The following CLEC16A variants were observed in gnomAD, a reference collection of about 807,000 sequenced individuals.
The protein encoded by CLEC16A is protein CLEC16A.
A neutral mutation model predicts 109.5 loss-of-function variants in CLEC16A; 51 were observed. That is an observed-to-expected ratio of 0.47 (90% CI 0.37 to 0.59). The LOEUF is 0.59. Among genes scored for constraint, CLEC16A ranks in the 20% least tolerant of loss-of-function variants. CLEC16A has a pLI of 0.00. For missense variants in CLEC16A, 1,339 were observed against 1,394.0 expected (o/e 0.96, Z 0.63); for synonymous variants, 673 against 564.2 (o/e 1.19, Z -2.73).
At position 11,031,833 on chromosome 16, in the gene CLEC16A, C is replaced by G. The variant is rs1597127364; in HGVS notation, c.1537+6912C>G. Among the ~76,000 whole-genome samples, 9 of 152,312 alleles carry G rather than the reference C, an allele frequency of 5.9e-5. No individual in the cohort carries two copies. In the South Asian group the frequency reaches 1.9e-3, roughly 32 times the overall value. On this transcript the variant is annotated intron_variant, in intron 13 of 23. Coordinates refer to ENST00000409790, the MANE Select transcript of CLEC16A (RefSeq NM_015226.3). ...AGGGTACTACATCCGCCTGAGCAAT[C>G]AGGAGAGGCCTCTTGGAGGCTTAAG...
At chr16:10,962,674 C>G in intron 3 of CLEC16A, 86 bp downstream of exon 3, 2 of 1,437,692 alleles carry the variant, frequency 1.4e-6, no homozygotes, top group South Asian at 1.2e-5. Context: ...TCTGCGCTTA[C>G]TATTCGTCGG....
chr16:10,996,915 A>C (rs1480403561), intron 10 of CLEC16A, among the ~76,000 whole-genome samples: 1 of 152,168 alleles, frequency 6.6e-6, no homozygotes. Context: ...AGGGCATTAC[A>C]GCAATCCAAC....
intron 22 of CLEC16A, among the ~76,000 whole-genome samples, chr16:11,158,313 A>G (rs964423363): frequency 2.0e-5 from 3 of 152,160 alleles, no homozygotes; most frequent in African/African-American, 7.2e-5. Context: ...CCCACGCCTC[A>G]TGGTCCTCAT....
chr16:11,154,330 A>G (rs988224880), intron 22 of CLEC16A, among the ~76,000 whole-genome samples: 1 of 152,264 alleles, frequency 6.6e-6, no homozygotes, highest in Non-Finnish European at 1.5e-5. Context: ...TCAACTCTCT[A>G]TCAAAGAAAT....
intron 18 of CLEC16A, among the ~76,000 whole-genome samples, chr16:11,057,617 A>C (rs2048275872): frequency 6.6e-6 from 1 of 152,220 alleles, no homozygotes; most frequent in African/African-American, 2.4e-5. Flanking sequence ...ATCCTTTTCA[A>C]AATCTAACCT....
chr16:11,129,407 A>G (rs2053043816), intron 22 of CLEC16A, among the ~76,000 whole-genome samples: 1 of 152,252 alleles, frequency 6.6e-6, no homozygotes, highest in South Asian at 2.1e-4. Flanking sequence ...CTGGCTTAAT[A>G]GAAGACATCT....
At chr16:11,003,659 A>G (rs1034920205) in intron 11 of CLEC16A, among the ~76,000 whole-genome samples, 2 of 152,226 alleles carry the variant, frequency 1.3e-5, no homozygotes, top group Admixed American at 6.5e-5. Context: ...TGCCTGGCCC[A>G]TTCTAAATGC....
chr16:10,972,300 C>A (rs113397054), intron 5 of CLEC16A, among the ~76,000 whole-genome samples: 1 of 152,224 alleles, frequency 6.6e-6, no homozygotes, highest in Non-Finnish European at 1.5e-5. Context: ...CCAGGTCACA[C>A]GCTGGACCTC....
At chr16:11,051,487 G>A in intron 17 of CLEC16A, 26 bp from the exon 18 acceptor site, 1 of 1,602,470 alleles carries the variant, frequency 6.2e-7, no homozygotes, top group Non-Finnish European at 8.5e-7. Context: ...AATCTGCTTT[G>A]AGGTTTCCTG....
At chr16:10,972,884 C>T (rs539958540) in intron 6 of CLEC16A, 54 bp from the exon 7 acceptor site, 20 of 1,493,468 alleles carry the variant, frequency 1.3e-5, no homozygotes, top group East Asian at 2.4e-5. Flanking sequence ...TTTTAATCTT[C>T]CCCAAGTTAT....
At chr16:11,014,992 C>A (rs2152785983) in intron 11 of CLEC16A, among the ~76,000 whole-genome samples, 1 of 152,302 alleles carries the variant, frequency 6.6e-6, no homozygotes, top group Middle Eastern at 3.4e-3. Context: ...GAGCCCTTTC[C>A]CCCAAAAACC....
rs368030464 is a variant in CLEC16A at position 11,051,756 on chromosome 16, A to T, written c.1995+115A>T. The T allele has an allele frequency of 3.4e-4, 461 of 1,344,512 alleles. 10 individuals carry two copies. The East Asian group carries it at 5.2e-3, about 15-fold the overall frequency. The allele number at this position is 1,344,512 out of a possible 1,614,324, so 83.3% of individuals were successfully genotyped here. A position where few individuals can be genotyped will look rare whatever the true frequency, so the allele number is the denominator to read the frequency against. ...CAAGAGCCTGCCCTCAACACAGCTT[A>T]GACAGTGGATAGAGAGTACCCATTT... On this transcript the variant is annotated intron_variant, in intron 18 of 23. Transcript: ENST00000409790.
chr16:11,035,900 G>C (rs1442154967), intron 13 of CLEC16A: 1 of 152,290 alleles, frequency 6.6e-6, no homozygotes, highest in Non-Finnish European at 1.5e-5. Flanking sequence ...GATTTTAAAG[G>C]CCATGGTGGG....
At chr16:11,120,514 A>G in intron 19 of CLEC16A, 101 bp from the exon 20 acceptor site, 1 of 1,287,374 alleles carries the variant, frequency 7.8e-7, no homozygotes, top group Non-Finnish European at 1.0e-6. Flanking sequence ...GGCTCTAACC[A>G]CTGAGCTCTG....
chr16:11,135,563 G>A (rs1458639481), intron 22 of CLEC16A, among the ~76,000 whole-genome samples: 2 of 152,210 alleles, frequency 1.3e-5, no homozygotes, highest in African/African-American at 2.4e-5. Flanking sequence ...ACTCTTTGGG[G>A]TCATTACCTA....
intron 19 of CLEC16A, among the ~76,000 whole-genome samples, chr16:11,106,468 T>A (rs1238783691): frequency 1.3e-5 from 2 of 151,186 alleles, no homozygotes; most frequent in Non-Finnish European, 2.9e-5. Flanking sequence ...TTTTTTTTTT[T>A]TTTTTTTTTA....
At chr16:10,956,651 G>A (rs903116360) in intron 1 of CLEC16A, among the ~76,000 whole-genome samples, 2 of 152,180 alleles carry the variant, frequency 1.3e-5, no homozygotes, top group African/African-American at 4.8e-5. Context: ...CGCTGCTCAG[G>A]ACTGGCCTCG....
At chr16:11,027,951 A>G (rs1206141146) in intron 13 of CLEC16A, among the ~76,000 whole-genome samples, 1 of 152,230 alleles carries the variant, frequency 6.6e-6, no homozygotes, top group Non-Finnish European at 1.5e-5. Flanking sequence ...CCGTAATCCC[A>G]ACACTTTGGG....
intron 19 of CLEC16A, among the ~76,000 whole-genome samples, chr16:11,114,339 C>G (rs2051822144): frequency 6.6e-6 from 1 of 152,074 alleles, no homozygotes; most frequent in Admixed American, 6.5e-5. Context: ...TCCTAAGCCC[C>G]ACCCCTGTAG....
Sources: gnomAD v4.1 joint callset for allele counts (sites outside exome capture counted in the v4.1 genomes callset) on GRCh38, gnomAD v4.1.1 for gene constraint, MANE v1.5 for transcripts, NCBI Gene and HGNC (gene_info 2026-07-23, HGNC 2026-07-21) for gene names.